Variants in DMKN observed in about 807,000 individuals in gnomAD.
DMKN encodes the protein epidermis-specific secreted protein SK30/SK89.
A neutral mutation model predicts 67.6 loss-of-function variants in DMKN; 58 were observed. The observed-to-expected ratio is 0.86, with a 90% CI of 0.69 to 1.07. The LOEUF (loss-of-function observed/expected upper bound fraction) is 1.07, where lower values mean the gene tolerates loss of function less well. Among genes scored for constraint, DMKN ranks in the 50% least tolerant of loss-of-function variants. The pLI is 0.00. For missense variants in DMKN, 596 were observed against 601.5 expected, an observed-to-expected ratio of 0.99 and a Z score of 0.10; for synonymous variants, 240 against 232.3, an observed-to-expected ratio of 1.03 and a Z score of -0.30.
At position 35,502,270 on chromosome 19, in the gene DMKN, G is replaced by A. The variant is rs554174582; in HGVS notation, c.1192-87C>T. ...GCAAATTGGGGGGATTCCAGATCTC[G>A]GGTAGGAAGGAGCTTTTGGGTGTGG... On this transcript the variant is annotated intron_variant, in intron 10 of 15. Coordinates refer to ENST00000339686, the MANE Select transcript of DMKN (RefSeq NM_033317.5). The A allele has an allele frequency of 1.5e-3, 2,044 of 1,356,760 alleles. 1 individual carries two copies. The highest frequency in any genetic ancestry group is 2.0e-3 in the Non-Finnish European group (1,905 of 948,878). The allele number at this position is 1,356,760 out of a possible 1,614,324, so 84.0% of individuals were successfully genotyped here.
At chr19:35,508,110 G>T in intron 7 of DMKN, 2 of 1,491,062 alleles carry the variant, frequency 1.3e-6, no homozygotes, top group Non-Finnish European at 1.8e-6. Flanking sequence ...CAGGGATGTG[G>T]GACCACCTGT....
rs1023621419 is a variant in DMKN at position 35,512,057 on chromosome 19, A to G, written c.685-244T>C. Among the ~76,000 whole-genome samples the G allele has an allele frequency of 6.6e-4, 87 of 131,860 alleles. 1 individual carries two copies. The highest frequency in any genetic ancestry group is 3.0e-4 in the African/African-American group (10 of 33,594). The allele number at this position is 131,860 out of a possible 152,430, so 86.5% of individuals were successfully genotyped here. A position where few individuals can be genotyped will look rare whatever the true frequency, so the allele number is the denominator to read the frequency against. Reference sequence around the variant, plus strand: ...CTGTTGCTCAGGCTGGAGTGCAGTGATGCGATCTCGGCTCACTGCAACCTC... The same window carrying G: ...CTGTTGCTCAGGCTGGAGTGCAGTGGTGCGATCTCGGCTCACTGCAACCTC... On this transcript the variant is annotated intron_variant, in intron 3 of 15. Coordinates refer to ENST00000339686, the MANE Select transcript of DMKN (RefSeq NM_033317.5).
chr19:35,507,648 A>G, intron 7 of DMKN: 1 of 700,188 alleles, frequency 1.4e-6, no homozygotes, highest in Non-Finnish European at 2.5e-6. Flanking sequence ...GACTTCCCAG[A>G]GGCCTGAGAA....
Position 35,499,983 on chromosome 19 carries a change from T to C in DMKN, c.1334A>G (p.Lys445Arg), listed in dbSNP as rs1235981140. 8.1e-6 allele frequency: 13 copies of C among 1,614,108 alleles called. No homozygotes were observed. Among genetic ancestry groups the C allele is most frequent in the African/African-American group, 1.3e-5 (1 of 74,934 alleles). ...CTTTGCAGGGGTCTTGACTGAGTAC[T>C]TCCCACCATAGGCAGTGGGATACGC... ...QHAYPTAYGG[K>R]YSVKTPAKGG... The change falls in exon 13 of 16, where the codon AAG (lysine) becomes AGG (arginine). Residue 445 changes from lysine (K) to arginine (R), a missense_variant. Transcript: ENST00000339686.
chr19:35,504,413 C>A (rs1416750296), intron 9 of DMKN, among the ~76,000 whole-genome samples: 3 of 151,948 alleles, frequency 2.0e-5, no homozygotes, highest in Non-Finnish European at 4.4e-5. Flanking sequence ...CCCATCTCTA[C>A]TAAAAATACA....
At chr19:35,505,204 T>C (rs927493552) in intron 9 of DMKN, among the ~76,000 whole-genome samples, 4 of 151,844 alleles carry the variant, frequency 2.6e-5, no homozygotes, top group African/African-American at 9.7e-5. Flanking sequence ...TGGCCAGGGG[T>C]TCCCCTGCAA....
chr19:35,499,847 G>A, intron 13 of DMKN, 111 bp downstream of exon 13: 1 of 1,139,654 alleles, frequency 8.8e-7, no homozygotes, highest in Non-Finnish European at 1.3e-6. Flanking sequence ...CTCAAAGAGA[G>A]CGGGATCCGG....
At chr19:35,504,092 T>C (rs1228657322) in intron 9 of DMKN, among the ~76,000 whole-genome samples, 1 of 152,086 alleles carries the variant, frequency 6.6e-6, no homozygotes, top group Non-Finnish European at 1.5e-5. Context: ...ATCTGCCCCT[T>C]GAGGAGCTGG....
intron 7 of DMKN, chr19:35,507,545 G>A (rs1247482573): frequency 6.5e-7 from 1 of 1,546,604 alleles, no homozygotes; most frequent in Non-Finnish European, 8.8e-7. Context: ...GAGTTGATGG[G>A]GAGGCAGGCG....
chr19:35,511,679 A>G, intron 4 of DMKN, 84 bp downstream of exon 4: 2 of 1,592,414 alleles, frequency 1.3e-6, no homozygotes, highest in Non-Finnish European at 1.7e-6. Flanking sequence ...CCCAGGCCAT[A>G]TTCCATGATG....
intron 7 of DMKN, 159 bp from the exon 8 acceptor site, chr19:35,506,145 A>C: frequency 1.3e-6 from 2 of 1,558,482 alleles, no homozygotes; most frequent in Non-Finnish European, 1.7e-6. Flanking sequence ...GACTCCACCA[A>C]CAGCGTCACC....
intron 9 of DMKN, 51 bp downstream of exon 9, chr19:35,505,667 G>A (rs1168000468): frequency 2.5e-6 from 4 of 1,611,066 alleles, no homozygotes; most frequent in Middle Eastern, 1.6e-4. Context: ...CAGAGCGGAG[G>A]TTTAGCTTTC....
intron 7 of DMKN, chr19:35,508,363 G>T: frequency 8.8e-7 from 1 of 1,133,904 alleles, no homozygotes; most frequent in Non-Finnish European, 1.2e-6. Flanking sequence ...TTTGGAACTG[G>T]TCCAAACACT....
intron 13 of DMKN, 134 bp from the exon 14 acceptor site, chr19:35,499,031 C>CTGTGGACAT: frequency 7.8e-7 from 1 of 1,274,522 alleles, no homozygotes; most frequent in Non-Finnish European, 1.1e-6. Context: ...TCCAGTCTGA[C>CTGTGGACAT]TGTGGACATT....
intron 9 of DMKN, among the ~76,000 whole-genome samples, chr19:35,504,588 A>G (rs2069074349): frequency 6.6e-6 from 1 of 151,274 alleles, no homozygotes; most frequent in Non-Finnish European, 1.5e-5. Context: ...ACCAAAAAAA[A>G]AAAAAACAAA....
chr19:35,510,960 G>A (rs2070654171), intron 5 of DMKN, among the ~76,000 whole-genome samples: 1 of 152,162 alleles, frequency 6.6e-6, no homozygotes, highest in Non-Finnish European at 1.5e-5. Flanking sequence ...GGCCCCATGT[G>A]TGAATGTCGT....
At chr19:35,509,827 G>A in intron 7 of DMKN, 84 bp downstream of exon 7, 3 of 1,513,480 alleles carry the variant, frequency 2.0e-6, no homozygotes, top group Non-Finnish European at 2.7e-6. Flanking sequence ...GGAGGGGGTT[G>A]AGCAGAGTTG....
chr19:35,505,929 C>A lies in DMKN; in HGVS notation c.1086+10G>T. 2 of 1,614,180 alleles carry A rather than the reference C, an allele frequency of 1.2e-6. No homozygotes were observed. The highest frequency in any genetic ancestry group is 1.7e-6 in the Non-Finnish European group (2 of 1,180,038). ...AATGCGAGTGAACAGAGCCATCTCG[C>A]AGAACTCACCTTCCAGAAAGTGTCA... On this transcript the variant is annotated intron_variant, in intron 8 of 15. Transcript: ENST00000339686.
rs759043271 is a variant in DMKN at position 35,512,705 on chromosome 19, G to A, written c.512C>T (p.Pro171Leu). 3.1e-5 allele frequency: 50 copies of A among 1,614,018 alleles called. No homozygotes were observed. Among genetic ancestry groups the A allele is most frequent in the Middle Eastern group, 1.6e-4 (1 of 6,082 alleles). The stretch of plus-strand genomic sequence containing the variant: ...GTTTCCGGGGTATCCGTGGACCCAC[G>A]GAGTCCCCAGACCTCCAGGATTGCC... ...GQGNPGGLGT[P>L]WVHGYPGNSA... The change falls in exon 2 of 16, where the codon CCG (proline) becomes CTG (leucine). Residue 171 changes from proline to leucine, a missense_variant. Transcript: ENST00000339686.
Sources: allele counts gnomAD v4.1 joint callset (sites outside exome capture counted in the v4.1 genomes callset), GRCh38; gene constraint gnomAD v4.1.1; transcripts MANE v1.5; gene names NCBI Gene and HGNC (gene_info 2026-07-23, HGNC 2026-07-21).